Variants in UGP2 observed in about 807,000 individuals in gnomAD.
UGP2 encodes UDP-glucose pyrophosphorylase 2.
UGP2 carries 40 observed loss-of-function variants against 49.0 expected under a neutral mutation model. That is an observed-to-expected ratio of 0.82 (90% CI 0.63 to 1.06). UGP2 has a LOEUF of 1.06. Among genes scored for constraint, UGP2 ranks in the 50% least tolerant of loss-of-function variants. The pLI is 0.00. For synonymous variants in UGP2, 225 were observed against 213.0 expected (o/e 1.06, Z -0.49); for missense variants, 460 against 603.5 (o/e 0.76, Z 2.49).
At chr2:63,886,211 C>G in intron 6 of UGP2, 130 bp from the exon 7 acceptor site, 5 of 969,868 alleles carry the variant, frequency 5.2e-6, no homozygotes, top group Non-Finnish European at 7.7e-6. Flanking sequence ...TTCATTGTCC[C>G]TTTTATGAAA....
At chr2:63,875,656 T>C (rs1380462573) in intron 3 of UGP2, among the ~76,000 whole-genome samples, 1 of 152,242 alleles carries the variant, frequency 6.6e-6, no homozygotes, top group African/African-American at 2.4e-5. Flanking sequence ...TAACTTTCTT[T>C]CACTTATCCC....
chr2:63,869,734 CT>C (rs1372947978), intron 3 of UGP2, among the ~76,000 whole-genome samples: 2 of 152,046 alleles, frequency 1.3e-5, no homozygotes, highest in African/African-American at 4.8e-5. Flanking sequence ...GTGTATGTAG[CT>C]GTTTGGAGGA....
In UGP2 at chr2:63,887,672, C is replaced by T; in HGVS notation, c.1314+28C>T. 2.5e-6 allele frequency: 4 copies of T among 1,607,400 alleles called. No homozygotes were observed. In the East Asian group the frequency reaches 8.9e-5, roughly 36 times the overall value. On this transcript the variant is annotated intron_variant, in intron 8 of 9. Transcript: ENST00000337130. ...ACGTAACTATAAAGATATGTGAGTT[C>T]ATATTTCTTAAATGTGTAATTATAA...
At chr2:63,867,355 AT>A (rs1166258221) in intron 3 of UGP2, among the ~76,000 whole-genome samples, 3 of 152,216 alleles carry the variant, frequency 2.0e-5, no homozygotes, top group Non-Finnish European at 2.9e-5. Flanking sequence ...TGGGCAAGTT[AT>A]TTAACTGCTT....
intron 3 of UGP2, among the ~76,000 whole-genome samples, chr2:63,865,824 C>G (rs780851445): frequency 3.3e-5 from 5 of 152,070 alleles, no homozygotes; most frequent in Non-Finnish European, 7.4e-5. Flanking sequence ...TGTGAGTGAC[C>G]TCACCTGGCC....
intron 1 of UGP2, among the ~76,000 whole-genome samples, chr2:63,846,528 T>TA (rs1378257350): frequency 1.3e-5 from 2 of 152,230 alleles, no homozygotes; most frequent in African/African-American, 4.8e-5. Context: ...GGTACATACT[T>TA]ACATTTCAGG....
chr2:63,854,003 T>TG (rs1439955941), intron 1 of UGP2, among the ~76,000 whole-genome samples: 1 of 152,160 alleles, frequency 6.6e-6, no homozygotes, highest in African/African-American at 2.4e-5. Flanking sequence ...TAAATGCTTT[T>TG]GGAGGAGAGT....
At chr2:63,854,440 A>T (rs1669247897) in intron 1 of UGP2, among the ~76,000 whole-genome samples, 1 of 152,212 alleles carries the variant, frequency 6.6e-6, no homozygotes, top group Non-Finnish European at 1.5e-5. Flanking sequence ...GTAACCTGAG[A>T]ATGTTAAATC....
chr2:63,876,728 G>A (rs1670930469), intron 3 of UGP2, among the ~76,000 whole-genome samples: 1 of 152,210 alleles, frequency 6.6e-6, no homozygotes. Flanking sequence ...AGAGAAATCT[G>A]GCACTTACTT....
At position 63,862,011 on chromosome 2, in the gene UGP2, G is replaced by A. The variant is rs116533921; in HGVS notation, c.255+4075G>A. Among the ~76,000 whole-genome samples the A allele has an allele frequency of 7.2e-3, 1,088 of 151,936 alleles. 7 individuals carry two copies. The highest frequency in any genetic ancestry group is 0.019 in the South Asian group (92 of 4,814). On this transcript the variant is annotated intron_variant, in intron 3 of 9. Transcript: ENST00000337130. ...GCATTTTTTTTTCTGAAGGTGAACCGTAGTACACTGTGCATTTAAAGTTTG... is the reference window on the plus strand; with the variant it reads ...GCATTTTTTTTTCTGAAGGTGAACCATAGTACACTGTGCATTTAAAGTTTG...
chr2:63,878,726 G>C (rs965947473), intron 3 of UGP2, among the ~76,000 whole-genome samples: 12 of 152,066 alleles, frequency 7.9e-5, no homozygotes, highest in African/African-American at 2.4e-4. Context: ...ACCATGCTCA[G>C]GTAATTAAAA....
chr2:63,857,002 G>GGT (rs1210428905), intron 2 of UGP2: 1 of 365,706 alleles, frequency 2.7e-6, no homozygotes, highest in Non-Finnish European at 5.3e-6. Context: ...GAAAGATATT[G>GGT]GTAAGTAAGT....
intron 3 of UGP2, among the ~76,000 whole-genome samples, chr2:63,863,150 AT>A (rs1472217140): frequency 1.3e-5 from 2 of 152,124 alleles, no homozygotes; most frequent in Admixed American, 1.3e-4. Flanking sequence ...TAGTGTTTGA[AT>A]TTTTTTAAAC....
chr2:63,871,049 T>TA (rs1670515284), intron 3 of UGP2, among the ~76,000 whole-genome samples: 1 of 152,234 alleles, frequency 6.6e-6, no homozygotes, highest in African/African-American at 2.4e-5. Flanking sequence ...AATTGTAAAA[T>TA]ACACATAACA....
rs1268758387 is a variant in UGP2 at position 63,890,009 on chromosome 2, CTTG to C, written c.1315-69_1315-67del. On this transcript the variant is annotated intron_variant, in intron 8 of 9. Coordinates refer to ENST00000337130, the MANE Select transcript of UGP2 (RefSeq NM_006759.4). ...GGTTTCTACAGTTCAGTTAAACTTTCTTGTTAATATTTTTCCTGTCTTTCTTTG... is the reference window on the plus strand; with the variant it reads ...GGTTTCTACAGTTCAGTTAAACTTTCTTAATATTTTTCCTGTCTTTCTTTG... The C allele has an allele frequency of 9.1e-6, 11 of 1,203,166 alleles. No homozygotes were observed. The Admixed American group carries it at 2.0e-4, about 22-fold the overall frequency. The allele number at this position is 1,203,166 out of a possible 1,614,324, so 74.5% of individuals were successfully genotyped here.
intron 1 of UGP2, 118 bp from the exon 2 acceptor site, chr2:63,856,188 G>A (rs1473504288): frequency 6.2e-6 from 8 of 1,289,596 alleles, no homozygotes; most frequent in Non-Finnish European, 8.5e-6. Flanking sequence ...ACAGGATAAA[G>A]GGACCTTGGG....
chr2:63,849,258 G>T (rs1668885601), intron 1 of UGP2, among the ~76,000 whole-genome samples: 1 of 152,090 alleles, frequency 6.6e-6, no homozygotes. Flanking sequence ...CTATTTTAGG[G>T]GATCCTTTCT....
At chr2:63,882,844 A>C (rs758633630) in intron 4 of UGP2, 193 bp downstream of exon 4, 57 of 414,392 alleles carry the variant, frequency 1.4e-4, no homozygotes, top group Non-Finnish European at 2.1e-4. Context: ...AAGGCTTTTG[A>C]TCTTAAATAG....
At chr2:63,849,877 A>T (rs1216562258) in intron 1 of UGP2, among the ~76,000 whole-genome samples, 2 of 152,222 alleles carry the variant, frequency 1.3e-5, no homozygotes, top group Non-Finnish European at 2.9e-5. Flanking sequence ...AAGCCGTTCT[A>T]AGCATAAAAG....
Sources: allele counts gnomAD v4.1 joint callset (sites outside exome capture counted in the v4.1 genomes callset), GRCh38; gene constraint gnomAD v4.1.1; transcripts MANE v1.5; gene names NCBI Gene and HGNC (gene_info 2026-07-23, HGNC 2026-07-21).